Variants in WDR70 observed in about 807,000 individuals in gnomAD.
WDR70 encodes the protein WD repeat-containing protein 70.
WDR70 carries 53 observed loss-of-function variants against 88.6 expected under a neutral mutation model. That is an observed-to-expected ratio of 0.60 (90% CI 0.48 to 0.75). WDR70 has a LOEUF of 0.75. Among genes scored for constraint, WDR70 ranks in the 30% least tolerant of loss-of-function variants. The probability of loss-of-function intolerance (pLI) is 0.00; values close to 1 mark genes in which losing one functional copy is unlikely to be tolerated. For missense variants in WDR70, 610 were observed against 823.2 expected, an observed-to-expected ratio of 0.74 and a Z score of 3.17; for synonymous variants, 280 against 270.0, an observed-to-expected ratio of 1.04 and a Z score of -0.36.
At chr5:37,636,380 CA>C (rs1375488695) in intron 10 of WDR70, among the ~76,000 whole-genome samples, 1 of 151,990 alleles carries the variant, frequency 6.6e-6, no homozygotes, top group Non-Finnish European at 1.5e-5. Flanking sequence ...AGGCAGATAC[CA>C]TAGTAACACT....
chr5:37,678,770 T>C lies in WDR70; in HGVS notation c.1093-18885T>C, dbSNP rs150701561. Among the ~76,000 whole-genome samples, 527 of 152,328 alleles carry C rather than the reference T, an allele frequency of 3.5e-3. 7 individuals carry two copies. Among genetic ancestry groups the C allele is most frequent in the African/African-American group, 0.012 (500 of 41,572 alleles). ...ATTCTCTGTATTTCCTGAATCTGAATGTTAGCCTGCCTTGCTAGATTGGGG... is the reference window on the plus strand; with the variant it reads ...ATTCTCTGTATTTCCTGAATCTGAACGTTAGCCTGCCTTGCTAGATTGGGG... On this transcript the variant is annotated intron_variant, in intron 10 of 17. Coordinates refer to ENST00000265107, the MANE Select transcript of WDR70 (RefSeq NM_018034.4).
At chr5:37,392,415 C>G (rs1204567943) in intron 4 of WDR70, among the ~76,000 whole-genome samples, 1 of 151,818 alleles carries the variant, frequency 6.6e-6, no homozygotes. Context: ...AACTCCTGAC[C>G]TCAGTTGATC....
chr5:37,576,710 T>G (rs1252605956), intron 9 of WDR70, among the ~76,000 whole-genome samples: 2 of 151,980 alleles, frequency 1.3e-5, no homozygotes, highest in African/African-American at 4.8e-5. Context: ...AATTGAGTGA[T>G]TTATGATCAT....
At chr5:37,414,870 G>A (rs1235178771) in intron 5 of WDR70, among the ~76,000 whole-genome samples, 1 of 149,742 alleles carries the variant, frequency 6.7e-6, no homozygotes, top group Non-Finnish European at 1.5e-5. Flanking sequence ...GTGGAGGGAA[G>A]GTCAGCAGAT....
Position 37,704,755 on chromosome 5 carries a change from G to A in WDR70, c.1416+1668G>A, listed in dbSNP as rs144007421. On this transcript the variant is annotated intron_variant, in intron 13 of 17. Transcript: ENST00000265107. ...GATATACTTGGGAAGTGCAAGTAAG[G>A]CATATTGTAGATCATGTGTAAATCT... Among the ~76,000 whole-genome samples the A allele has an allele frequency of 3.5e-3, 528 of 152,266 alleles. 6 individuals carry two copies. Among genetic ancestry groups the A allele is most frequent in the African/African-American group, 0.012 (509 of 41,550 alleles).
At chr5:37,684,870 G>T (rs772283192) in intron 10 of WDR70, among the ~76,000 whole-genome samples, 2 of 152,228 alleles carry the variant, frequency 1.3e-5, no homozygotes, top group Non-Finnish European at 2.9e-5. Context: ...CAGGTACTGG[G>T]GTGCCTGCCT....
intron 8 of WDR70, among the ~76,000 whole-genome samples, chr5:37,498,534 G>T (rs371477505): frequency 1.3e-5 from 2 of 152,092 alleles, no homozygotes; most frequent in East Asian, 1.9e-4. Context: ...TTTCTCACCT[G>T]CCCAGTATTA....
chr5:37,570,000 GA>G (rs1742854209), intron 9 of WDR70, among the ~76,000 whole-genome samples: 2 of 152,158 alleles, frequency 1.3e-5, no homozygotes, highest in East Asian at 3.8e-4. Flanking sequence ...AGTATGATTA[GA>G]AACCAGGTTA....
chr5:37,379,660 G>C, intron 2 of WDR70, 106 bp downstream of exon 2: 3 of 1,224,888 alleles, frequency 2.4e-6, no homozygotes, highest in Non-Finnish European at 3.6e-6. Context: ...TTGTAGCTCG[G>C]GTGCATACCT....
At position 37,629,926 on chromosome 5, in the gene WDR70, A is replaced by G. The variant is rs184617086; in HGVS notation, c.1092+24688A>G. On this transcript the variant is annotated intron_variant, in intron 10 of 17. Coordinates refer to ENST00000265107, the MANE Select transcript of WDR70 (RefSeq NM_018034.4). Reference sequence around the variant, plus strand: ...TTTTATTCACTAGGTGTCACAAGGAAAGACTTACTCATATAAATGGATCTT... The same window carrying G: ...TTTTATTCACTAGGTGTCACAAGGAGAGACTTACTCATATAAATGGATCTT... Among the ~76,000 whole-genome samples the G allele has an allele frequency of 5.3e-5, 8 of 152,280 alleles. No homozygotes were observed. In the East Asian group the frequency reaches 1.5e-3, roughly 29 times the overall value.
chr5:37,566,643 T>C (rs995328093), intron 9 of WDR70, among the ~76,000 whole-genome samples: 1 of 152,196 alleles, frequency 6.6e-6, no homozygotes, highest in South Asian at 2.1e-4. Context: ...CAGATCATGC[T>C]TATTTATTTC....
chr5:37,545,800 A>C (rs1435143432), intron 9 of WDR70, among the ~76,000 whole-genome samples: 1 of 152,138 alleles, frequency 6.6e-6, no homozygotes, highest in Non-Finnish European at 1.5e-5. Flanking sequence ...CTGGCATTAC[A>C]GCTGTGAGCC....
In WDR70 at chr5:37,516,409, G is replaced by A. The variant is rs1740884467; in HGVS notation, c.841-105G>A. 4 of 574,494 alleles carry A rather than the reference G, an allele frequency of 7.0e-6. No individual in the cohort carries two copies. The South Asian group carries it at 9.9e-5, about 14-fold the overall frequency. 35.6% of individuals were successfully genotyped at this position (574,494 alleles called of 1,614,324 possible). A position where few individuals can be genotyped will look rare whatever the true frequency, so the allele number is the denominator to read the frequency against. On this transcript the variant is annotated intron_variant, in intron 8 of 17. Coordinates refer to ENST00000265107, the MANE Select transcript of WDR70 (RefSeq NM_018034.4). ...TATAATTAAAATGGTGCCCTTTTGG[G>A]GGAACTAAACATTTTTACATTTAAA... is the stretch of plus-strand genomic sequence containing the variant.
At position 37,539,138 on chromosome 5, in the gene WDR70, G is replaced by A. The variant is rs77835779; in HGVS notation, c.917+22548G>A. ...GTTCAGATCTGTTACAACTGCTTTC[G>A]CCTCCATATCCAGCTAATTGTCATA... On this transcript the variant is annotated intron_variant, in intron 9 of 17. Coordinates refer to ENST00000265107, the MANE Select transcript of WDR70 (RefSeq NM_018034.4). 4.6e-5 allele frequency among the ~76,000 whole-genome samples: 7 copies of A among 152,150 alleles called. No homozygotes were observed. In the East Asian group the frequency reaches 7.7e-4, roughly 17 times the overall value.
chr5:37,526,689 A>G (rs1039792774), intron 9 of WDR70, among the ~76,000 whole-genome samples: 2 of 152,210 alleles, frequency 1.3e-5, no homozygotes, highest in Non-Finnish European at 2.9e-5. Flanking sequence ...GAGGAAGTCA[A>G]ATTGGCCCTG....
At chr5:37,634,461 C>T (rs1443817592) in intron 10 of WDR70, among the ~76,000 whole-genome samples, 1 of 152,112 alleles carries the variant, frequency 6.6e-6, no homozygotes, top group Admixed American at 6.5e-5. Context: ...CTAACCTTAC[C>T]TCACACATCT....
chr5:37,501,829 G>A lies in WDR70; in HGVS notation c.841-14685G>A, dbSNP rs147795121. On this transcript the variant is annotated intron_variant, in intron 8 of 17. Transcript: ENST00000265107. ...TCTACTTTTATACCAGTACTATGCT[G>A]TTTTGGTTGCTGTAGCCTTGTCAAT... Among the ~76,000 whole-genome samples, 112 of 152,264 alleles carry A rather than the reference G, an allele frequency of 7.4e-4. No homozygotes were observed. The East Asian group carries it at 0.013, about 18-fold the overall frequency.
chr5:37,658,535 C>T (rs1745618133), intron 10 of WDR70, among the ~76,000 whole-genome samples: 1 of 151,984 alleles, frequency 6.6e-6, no homozygotes, highest in African/African-American at 2.4e-5. Context: ...AGTTATCTTT[C>T]AAAACCCCCC....
chr5:37,594,626 G>A (rs6451326), intron 9 of WDR70, among the ~76,000 whole-genome samples: 70,444 of 151,848 alleles, frequency 0.46, 17,929 homozygotes, highest in Non-Finnish European at 0.58. Context: ...TGGCAATGCG[G>A]GCTCTTTTTT....
Sources: gnomAD v4.1 joint callset for allele counts (sites outside exome capture counted in the v4.1 genomes callset) on GRCh38, gnomAD v4.1.1 for gene constraint, MANE v1.5 for transcripts, NCBI Gene and HGNC (gene_info 2026-07-23, HGNC 2026-07-21) for gene names.